The following RSBN1L variants were observed in gnomAD, a reference collection of about 807,000 sequenced individuals.
RSBN1L encodes the protein round spermatid basic protein 1 like.
RSBN1L carries 30 observed loss-of-function variants against 67.7 expected under a neutral mutation model. The ratio of observed to expected loss-of-function variants is 0.44; its 90% CI spans 0.33 to 0.60. The LOEUF is 0.60. Among genes scored for constraint, RSBN1L ranks in the 20% least tolerant of loss-of-function variants. The pLI is 0.02. For synonymous variants in RSBN1L, 433 were observed against 387.0 expected (o/e 1.12, Z -1.39); for missense variants, 992 against 1,031.7 (o/e 0.96, Z 0.53).
At chr7:77,734,565 T>C (rs1791308619) in intron 1 of RSBN1L, among the ~76,000 whole-genome samples, 1 of 151,912 alleles carries the variant, frequency 6.6e-6, no homozygotes, top group Admixed American at 6.6e-5. Context: ...CTCGGCTCAC[T>C]GCAACCTCCA....
intron 1 of RSBN1L, among the ~76,000 whole-genome samples, chr7:77,705,510 GTTTTT>G (rs56187940): frequency 9.0e-6 from 1 of 111,508 alleles, no homozygotes; most frequent in Admixed American, 1.1e-4. Flanking sequence ...CATTGTAATG[GTTTTT>G]TTTTTTTTTT....
At chr7:77,747,605 C>T (rs991876029) in intron 2 of RSBN1L, among the ~76,000 whole-genome samples, 4 of 152,184 alleles carry the variant, frequency 2.6e-5, no homozygotes, top group African/African-American at 9.7e-5. Flanking sequence ...ATGCAAGATT[C>T]GAGGCTTGGG....
At chr7:77,742,895 TCTTA>T (rs1224651267) in intron 2 of RSBN1L, among the ~76,000 whole-genome samples, 5 of 152,202 alleles carry the variant, frequency 3.3e-5, no homozygotes, top group African/African-American at 1.2e-4. Flanking sequence ...CAGTGAAGAC[TCTTA>T]CTTATGGAAT....
intron 1 of RSBN1L, among the ~76,000 whole-genome samples, chr7:77,720,514 G>A (rs1266368681): frequency 6.6e-6 from 1 of 152,018 alleles, no homozygotes; most frequent in Non-Finnish European, 1.5e-5. Context: ...AGCTGAGATC[G>A]TGCCATTGCA....
chr7:77,748,736 C>T (rs568956044), intron 2 of RSBN1L, among the ~76,000 whole-genome samples: 39 of 152,192 alleles, frequency 2.6e-4, no homozygotes, highest in African/African-American at 8.9e-4. Flanking sequence ...CCACTCACCT[C>T]GGCCTCCCAA....
intron 1 of RSBN1L, among the ~76,000 whole-genome samples, chr7:77,698,473 G>A (rs1467752163): frequency 1.3e-5 from 2 of 152,192 alleles, no homozygotes; most frequent in African/African-American, 4.8e-5. Context: ...CACATTTGCT[G>A]TAAGTTCTCT....
At chr7:77,740,183 A>T (rs1165058827) in intron 2 of RSBN1L, among the ~76,000 whole-genome samples, 1 of 152,244 alleles carries the variant, frequency 6.6e-6, no homozygotes, top group Non-Finnish European at 1.5e-5. Context: ...AAAATAGTTT[A>T]AAGGAACAAA....
chr7:77,705,213 A>T lies in RSBN1L; in HGVS notation c.586+8158A>T, dbSNP rs140586459. 7.2e-5 allele frequency among the ~76,000 whole-genome samples: 11 copies of T among 152,256 alleles called. No individual in the cohort carries two copies. The East Asian group carries it at 2.1e-3, about 29-fold the overall frequency. On this transcript the variant is annotated intron_variant, in intron 1 of 7. Transcript: ENST00000334955. ...ATGTACCTTGACTTTTTAATATGAC[A>T]TTGACTTTTTGAAGATACCAGTCCA...
At chr7:77,745,822 A>G (rs919246825) in intron 2 of RSBN1L, among the ~76,000 whole-genome samples, 9 of 152,186 alleles carry the variant, frequency 5.9e-5, no homozygotes, top group African/African-American at 2.2e-4. Flanking sequence ...GAGCTTGTTA[A>G]TCTGTATTTG....
At chr7:77,738,945 AC>A (rs1310112017) in intron 2 of RSBN1L, among the ~76,000 whole-genome samples, 1 of 152,188 alleles carries the variant, frequency 6.6e-6, no homozygotes, top group Non-Finnish European at 1.5e-5. Flanking sequence ...TCTCAAAAAA[AC>A]AAAAAACAAA....
chr7:77,745,193 G>A (rs974660704), intron 2 of RSBN1L, among the ~76,000 whole-genome samples: 6 of 151,878 alleles, frequency 4.0e-5, no homozygotes, highest in South Asian at 2.1e-4. Context: ...CCCGGGAGGC[G>A]GAGGTTGCAG....
intron 7 of RSBN1L, 30 bp from the exon 8 acceptor site, chr7:77,778,500 A>G (rs754075661): frequency 3.1e-6 from 5 of 1,597,092 alleles, no homozygotes; most frequent in Non-Finnish European, 4.3e-6. Context: ...GAAGAGAGTT[A>G]TTTGTATTTC....
intron 2 of RSBN1L, among the ~76,000 whole-genome samples, chr7:77,747,919 A>T (rs10282702): frequency 1.3e-4 from 19 of 148,932 alleles, no homozygotes; most frequent in African/African-American, 3.9e-4. Flanking sequence ...CTCGGGGGGG[A>T]GCTCAGGAAA....
At chr7:77,768,287 A>T (rs576697778) in intron 4 of RSBN1L, 1 of 159,146 alleles carries the variant, frequency 6.3e-6, no homozygotes, top group African/African-American at 2.4e-5. Flanking sequence ...AGAGGTATCC[A>T]GTTTTTAAAC....
intron 1 of RSBN1L, among the ~76,000 whole-genome samples, chr7:77,718,538 G>A (rs569464756): frequency 6.6e-6 from 1 of 152,090 alleles, no homozygotes; most frequent in Non-Finnish European, 1.5e-5. Context: ...CAATCTGCCT[G>A]CCCCGGCCTC....
chr7:77,775,398 G>A (rs1380225924), intron 6 of RSBN1L, among the ~76,000 whole-genome samples: 1 of 152,076 alleles, frequency 6.6e-6, no homozygotes, highest in African/African-American at 2.4e-5. Context: ...AGCTGGGCAT[G>A]CATGCCTATA....
chr7:77,708,080 A>G (rs999649998), intron 1 of RSBN1L, among the ~76,000 whole-genome samples: 1 of 152,148 alleles, frequency 6.6e-6, no homozygotes, highest in Admixed American at 6.6e-5. Flanking sequence ...ACTTTGTTAA[A>G]TTTGTTTTTA....
At chr7:77,759,533 T>TGAGCA (rs1028196550) in intron 3 of RSBN1L, 1 of 152,156 alleles carries the variant, frequency 6.6e-6, no homozygotes, top group Non-Finnish European at 1.5e-5. Context: ...CAGAATGTCC[T>TGAGCA]GAGCAGGCCT....
Position 77,782,470 on chromosome 7 carries a change from A to T in RSBN1L, c.*3302A>T, listed in dbSNP as rs1381644809. On this transcript the variant is annotated 3_prime_UTR_variant, in exon 8 of 8. Transcript: ENST00000334955. ...TCTAAATAATACGTATTCCATACTCAGGATAGCTGGTTAGCTAGCAAAAGA... is the reference window on the plus strand; with the variant it reads ...TCTAAATAATACGTATTCCATACTCTGGATAGCTGGTTAGCTAGCAAAAGA... 2.0e-5 allele frequency: 3 copies of T among 152,230 alleles called. No homozygotes were observed. The highest frequency in any genetic ancestry group is 6.5e-5 in the Admixed American group (1 of 15,290). The allele number at this position is 152,230 out of a possible 1,614,324, so 9.4% of individuals were successfully genotyped here.
Sources: gnomAD v4.1 joint callset for allele counts (sites outside exome capture counted in the v4.1 genomes callset) on GRCh38, gnomAD v4.1.1 for gene constraint, MANE v1.5 for transcripts, NCBI Gene and HGNC (gene_info 2026-07-23, HGNC 2026-07-21) for gene names.